Variants in BMAL1 observed in about 807,000 individuals in gnomAD.
The protein encoded by BMAL1 is basic helix-loop-helix ARNT like 1.
At chr11:13,288,407 T>TTCTTTCTTTC in the BMAL1 span, among the ~76,000 whole-genome samples, 2 of 16,736 alleles carry the variant, frequency 1.2e-4, no homozygotes, top group Non-Finnish European at 6.4e-4. Context: ...TCTTTCTTTC[T>TTCTTTCTTTC]TTCTTTCTTT....
chr11:13,285,455 A>G, the BMAL1 span, among the ~76,000 whole-genome samples: 1 of 152,144 alleles, frequency 6.6e-6, no homozygotes, highest in African/African-American at 2.4e-5. Flanking sequence ...GATAGCAAGC[A>G]AATAGAGTAA....
the BMAL1 span, among the ~76,000 whole-genome samples, chr11:13,339,210 C>A: frequency 6.6e-6 from 1 of 152,328 alleles, no homozygotes; most frequent in Middle Eastern, 3.4e-3. Flanking sequence ...GAATCAACTT[C>A]TCAGAACATA....
the BMAL1 span, among the ~76,000 whole-genome samples, chr11:13,297,207 G>A: frequency 2.0e-5 from 3 of 152,276 alleles, no homozygotes; most frequent in South Asian, 2.1e-4. Context: ...CTGGAGCCCT[G>A]CTGCTCCCCT....
chr11:13,360,281 C>T, the BMAL1 span: 8 of 1,460,024 alleles, frequency 5.5e-6, no homozygotes, highest in Non-Finnish European at 7.6e-6. Flanking sequence ...TTTGAGGCAG[C>T]AAGTTAGAAT....
At chr11:13,278,963 T>TGA in the BMAL1 span, among the ~76,000 whole-genome samples, 1 of 152,152 alleles carries the variant, frequency 6.6e-6, no homozygotes, top group South Asian at 2.1e-4. Context: ...GGCAGCGGGG[T>TGA]GAGCTCAGGT....
At chr11:13,319,386 G>T in the BMAL1 span, among the ~76,000 whole-genome samples, 6 of 152,250 alleles carry the variant, frequency 3.9e-5, no homozygotes, top group African/African-American at 1.2e-4. Context: ...TGGTTTAAAT[G>T]GTTTGCTGTT....
chr11:13,366,248 A>G, the BMAL1 span, among the ~76,000 whole-genome samples: 1 of 152,202 alleles, frequency 6.6e-6, no homozygotes, highest in Non-Finnish European at 1.5e-5. Flanking sequence ...GTCTCAGAGC[A>G]AAGTTATGGA....
chr11:13,289,151 T>C, the BMAL1 span, among the ~76,000 whole-genome samples: 4 of 152,176 alleles, frequency 2.6e-5, no homozygotes, highest in African/African-American at 9.6e-5. Flanking sequence ...GTGTGATGCT[T>C]GTGTGAGCTA....
chr11:13,277,235 G>A, the BMAL1 span, among the ~76,000 whole-genome samples: 18 of 152,254 alleles, frequency 1.2e-4, no homozygotes, highest in Non-Finnish European at 2.6e-4. Context: ...GAGGGAGTCA[G>A]GAACTGCTGC....
At chr11:13,385,702 G>A in the BMAL1 span, 1 of 1,612,376 alleles carries the variant, frequency 6.2e-7, no homozygotes, top group South Asian at 1.1e-5. Flanking sequence ...TTAAATGGAG[G>A]GACTCCAGAC....
chr11:13,354,203 C>CCCCCCCCCCAAACCCCCAGCACCAA, the BMAL1 span: 1 of 790,980 alleles, frequency 1.3e-6, no homozygotes, highest in South Asian at 1.5e-5. Flanking sequence ...CCCCCCGGCC[C>CCCCCCCCCCAAACCCCCAGCACCAA]CCCACCACCA....
At chr11:13,378,314 A>G in the BMAL1 span, 1 of 1,576,490 alleles carries the variant, frequency 6.3e-7, no homozygotes, top group Non-Finnish European at 8.6e-7. Context: ...CCCCTTTCCT[A>G]CTCTCAGATT....
At chr11:13,290,559 A>ATGTTATTAT in the BMAL1 span, among the ~76,000 whole-genome samples, 3,815 of 149,028 alleles carry the variant, frequency 0.026, 145 homozygotes, top group African/African-American at 0.079. Flanking sequence ...ACAAGTGTAT[A>ATGTTATTAT]TATTATTATT....
chr11:13,364,978 T>TAAAAAC, the BMAL1 span, among the ~76,000 whole-genome samples: 1 of 151,920 alleles, frequency 6.6e-6, no homozygotes, highest in African/African-American at 2.4e-5. Context: ...ACCATCAGCA[T>TAAAAAC]AAAAACAAAA....
At chr11:13,298,591 C>T in the BMAL1 span, among the ~76,000 whole-genome samples, 1 of 152,164 alleles carries the variant, frequency 6.6e-6, no homozygotes, top group African/African-American at 2.4e-5. Context: ...TAATTTTGTT[C>T]ACTGCTGTAT....
At chr11:13,276,911 G>C in the BMAL1 span, 1 of 152,224 alleles carries the variant, frequency 6.6e-6, no homozygotes, top group African/African-American at 2.4e-5. Context: ...TTGCAGCAGA[G>C]AGCGCTGCCG....
chr11:13,383,162 C>CTAA, the BMAL1 span, among the ~76,000 whole-genome samples: 2 of 152,132 alleles, frequency 1.3e-5, no homozygotes, highest in South Asian at 4.1e-4. Flanking sequence ...AACCATTTAG[C>CTAA]CTGCAGTTGT....
At chr11:13,311,474 T>C in the BMAL1 span, among the ~76,000 whole-genome samples, 15 of 152,026 alleles carry the variant, frequency 9.9e-5, no homozygotes, top group Admixed American at 9.8e-4. Flanking sequence ...CCTTGAGAAA[T>C]GTAATGTCAC....
the BMAL1 span, chr11:13,278,020 C>T: frequency 1.3e-5 from 2 of 151,636 alleles, no homozygotes; most frequent in African/African-American, 4.8e-5. Context: ...GCCGCCGCCC[C>T]GGGGGCAACC....
Sources: gnomAD v4.1 joint callset for allele counts (sites outside exome capture counted in the v4.1 genomes callset) on GRCh38, gnomAD v4.1.1 for gene constraint, MANE v1.5 for transcripts, NCBI Gene and HGNC (gene_info 2026-07-23, HGNC 2026-07-21) for gene names.